OR9Q1: variants seen among roughly 807,000 people sequenced by gnomAD.
The protein encoded by OR9Q1 is olfactory receptor 9Q1.
For missense variants in OR9Q1, 374 were observed against 378.8 expected, an observed-to-expected ratio of 0.99 and a Z score of 0.11; for synonymous variants, 153 against 148.6, an observed-to-expected ratio of 1.03 and a Z score of -0.22.
At chr11:58,029,395 C>T (rs548123033) in intron 1 of OR9Q1, among the ~76,000 whole-genome samples, 22 of 152,100 alleles carry the variant, frequency 1.4e-4, no homozygotes, top group Admixed American at 2.0e-4. Context: ...TTCCAAGTCC[C>T]GGGCCTGGAA....
At chr11:58,041,625 GC>G (rs1853164153) in intron 1 of OR9Q1, 1 of 152,394 alleles carries the variant, frequency 6.6e-6, no homozygotes, top group Non-Finnish European at 1.5e-5. Context: ...GGATGCACTC[GC>G]CCTTCTGCAC....
At chr11:58,090,544 T>A (rs1459660848) in intron 2 of OR9Q1, among the ~76,000 whole-genome samples, 1 of 152,212 alleles carries the variant, frequency 6.6e-6, no homozygotes, top group African/African-American at 2.4e-5. Context: ...GGATTTGGTT[T>A]GCCAGTATTT....
intron 2 of OR9Q1, among the ~76,000 whole-genome samples, chr11:58,095,473 T>C (rs571430389): frequency 1.3e-5 from 2 of 152,302 alleles, no homozygotes; most frequent in Admixed American, 6.5e-5. Flanking sequence ...GACTGGGTAA[T>C]TTATAAAGGA....
chr11:58,153,434 T>C (rs1216562368), intron 2 of OR9Q1, among the ~76,000 whole-genome samples: 1 of 152,056 alleles, frequency 6.6e-6, no homozygotes, highest in Non-Finnish European at 1.5e-5. Context: ...GATTCAAACA[T>C]CAGGAGCCAA....
intron 2 of OR9Q1, chr11:58,118,320 A>G (rs1853979313): frequency 7.3e-6 from 4 of 550,360 alleles, no homozygotes; most frequent in Non-Finnish European, 1.3e-5. Context: ...ATAAGAAGAA[A>G]GAACATGGAA....
At chr11:58,163,755 A>G (rs1451324) in intron 2 of OR9Q1, among the ~76,000 whole-genome samples, 150,166 of 152,294 alleles carry the variant, frequency 0.99, 74,066 homozygotes, top group Middle Eastern at 1. Context: ...ATAGCTGGGC[A>G]GGGGGCCGTT....
At position 58,147,830 on chromosome 11, in the gene OR9Q1, T is replaced by C. The variant is rs577812856; in HGVS notation, c.-14-31601T>C. Among the ~76,000 whole-genome samples the C allele has an allele frequency of 3.3e-5, 5 of 152,304 alleles. No individual in the cohort carries two copies. The East Asian group carries it at 5.8e-4, about 18-fold the overall frequency. On this transcript the variant is annotated intron_variant, in intron 2 of 2. Coordinates refer to ENST00000335397, the MANE Select transcript of OR9Q1 (RefSeq NM_001005212.4). The stretch of plus-strand genomic sequence containing the variant: ...AGATTCTGTGCTGAGTTTTCACTTA[T>C]CTCATTTAAAGATTTCATTCTTAAA...
intron 1 of OR9Q1, among the ~76,000 whole-genome samples, chr11:58,055,568 G>C (rs1367193911): frequency 6.6e-6 from 1 of 152,122 alleles, no homozygotes; most frequent in Non-Finnish European, 1.5e-5. Flanking sequence ...GGAGGCTGAG[G>C]CAGAAGGATC....
At chr11:58,055,661 A>C (rs1183506082) in intron 1 of OR9Q1, among the ~76,000 whole-genome samples, 1 of 152,022 alleles carries the variant, frequency 6.6e-6, no homozygotes, top group Non-Finnish European at 1.5e-5. Flanking sequence ...GTAGCCAGGC[A>C]TGGTGGCATG....
At chr11:58,097,971 C>A (rs976472960) in intron 2 of OR9Q1, among the ~76,000 whole-genome samples, 10 of 152,132 alleles carry the variant, frequency 6.6e-5, no homozygotes. Context: ...GATGGATTAC[C>A]AAGTTGCATG....
intron 1 of OR9Q1, among the ~76,000 whole-genome samples, chr11:58,028,360 C>A (rs1320356623): frequency 6.6e-6 from 1 of 152,174 alleles, no homozygotes; most frequent in Non-Finnish European, 1.5e-5. Flanking sequence ...ACAGGACTAT[C>A]AAACCTGAGT....
At chr11:58,161,651 C>G (rs944437018) in intron 2 of OR9Q1, among the ~76,000 whole-genome samples, 1 of 151,682 alleles carries the variant, frequency 6.6e-6, no homozygotes, top group African/African-American at 2.4e-5. Flanking sequence ...TTAAGCGATT[C>G]TCCTGCATCA....
chr11:58,162,897 G>A (rs1397661930), intron 2 of OR9Q1, among the ~76,000 whole-genome samples: 1 of 152,088 alleles, frequency 6.6e-6, no homozygotes, highest in Admixed American at 6.5e-5. Context: ...TGTTCTGAAA[G>A]GTCAAAGGTA....
intron 2 of OR9Q1, among the ~76,000 whole-genome samples, chr11:58,067,391 T>C (rs1853440860): frequency 6.6e-6 from 1 of 152,196 alleles, no homozygotes; most frequent in South Asian, 2.1e-4. Context: ...GGAGTGATCT[T>C]GGGCAAATCA....
rs929177328 is a variant in OR9Q1, at chr11:58,095,609, G to C, written c.-15+39662G>C. 6.6e-5 allele frequency among the ~76,000 whole-genome samples: 10 copies of C among 152,298 alleles called. No homozygotes were observed. The East Asian group carries it at 1.7e-3, about 26-fold the overall frequency. On this transcript the variant is annotated intron_variant, in intron 2 of 2. Coordinates refer to ENST00000335397, the MANE Select transcript of OR9Q1 (RefSeq NM_001005212.4). ...GCAGGAGAGAGAGTGAGTGCTGCAT[G>C]AAGGGAGAAACCCCTTATAAAACCA...
intron 2 of OR9Q1, among the ~76,000 whole-genome samples, chr11:58,139,473 C>T (rs1221730500): frequency 8.6e-5 from 13 of 152,030 alleles, no homozygotes; most frequent in Non-Finnish European, 1.3e-4. Flanking sequence ...GTGATGTTCC[C>T]CTTCCTGTGT....
intron 2 of OR9Q1, among the ~76,000 whole-genome samples, chr11:58,137,138 A>T (rs1454755973): frequency 6.6e-6 from 1 of 152,218 alleles, no homozygotes; most frequent in Non-Finnish European, 1.5e-5. Flanking sequence ...TTATTTATTC[A>T]TCAATACCTC....
chr11:58,043,072 T>C (rs528725716), intron 1 of OR9Q1, among the ~76,000 whole-genome samples: 5 of 152,272 alleles, frequency 3.3e-5, no homozygotes, highest in African/African-American at 9.6e-5. Context: ...TTTCTAGATA[T>C]ACAATCATGT....
chr11:58,154,944 C>G (rs1488536225), intron 2 of OR9Q1, among the ~76,000 whole-genome samples: 5 of 152,108 alleles, frequency 3.3e-5, no homozygotes, highest in Non-Finnish European at 5.9e-5. Flanking sequence ...TTTTAAGGTC[C>G]TGTATCAGCC....
Sources: allele counts gnomAD v4.1 joint callset (sites outside exome capture counted in the v4.1 genomes callset), GRCh38; gene constraint gnomAD v4.1.1; transcripts MANE v1.5; gene names NCBI Gene and HGNC (gene_info 2026-07-23, HGNC 2026-07-21).